Variants in PHLDB2 observed in about 807,000 individuals in gnomAD.
PHLDB2 encodes the protein pleckstrin homology like domain family B member 2.
PHLDB2 carries 71 observed loss-of-function variants against 123.6 expected under a neutral mutation model. That is an observed-to-expected ratio of 0.57 (90% CI 0.47 to 0.70). PHLDB2 has a LOEUF of 0.70. PHLDB2 is among the 30% of genes least tolerant of loss of function. The pLI is 0.00. For missense variants in PHLDB2, 1,446 were observed against 1,519.5 expected, an observed-to-expected ratio of 0.95 and a Z score of 0.80; for synonymous variants, 547 against 541.6, an observed-to-expected ratio of 1.01 and a Z score of -0.14.
At chr3:111,795,716 G>A (rs914335967) in intron 1 of PHLDB2, among the ~76,000 whole-genome samples, 3 of 151,966 alleles carry the variant, frequency 2.0e-5, no homozygotes, top group Non-Finnish European at 2.9e-5. Flanking sequence ...TAAAGACCTG[G>A]GTAGGTTTTT....
intron 1 of PHLDB2, among the ~76,000 whole-genome samples, chr3:111,769,761 C>T (rs778874656): frequency 8.3e-4 from 126 of 152,202 alleles, no homozygotes; most frequent in Non-Finnish European, 1.5e-3. Flanking sequence ...TTCCTTTGAA[C>T]TCGTGTTTCG....
rs559681579 is a variant in PHLDB2 at position 111,907,900 on chromosome 3, G to A, written c.1336-5419G>A. Among the ~76,000 whole-genome samples, 17 of 152,140 alleles carry A rather than the reference G, an allele frequency of 1.1e-4. No individual in the cohort carries two copies. In the South Asian group the frequency reaches 2.7e-3, roughly 24 times the overall value. ...CAACCTCCGCCTCCTGGACTCAAGT[G>A]ATCCTCCAGCCTTAGCCTTCCAAGT... On this transcript the variant is annotated intron_variant, in intron 2 of 17. Coordinates refer to ENST00000431670, the MANE Select transcript of PHLDB2 (RefSeq NM_001134438.2).
In PHLDB2 at chr3:111,831,009, G is replaced by GAAAGAAAGAAAGAAAGAAAGA. The variant is rs1559855216; in HGVS notation, c.-48-14809_-48-14789dup. On this transcript the variant is annotated intron_variant, in intron 1 of 17. Coordinates refer to the PHLDB2 transcript ENST00000393923. ...AGAAAGAAAGAAAGAAAGAAAGAAA[G>GAAAGAAAGAAAGAAAGAAAGA]AAAGAAAGAAAGAAAGAAAGAAAGG... 2.3e-4 allele frequency among the ~76,000 whole-genome samples: 23 copies of GAAAGAAAGAAAGAAAGAAAGA among 100,138 alleles called. 2 individuals carry two copies. Among genetic ancestry groups the GAAAGAAAGAAAGAAAGAAAGA allele is most frequent in the Non-Finnish European group, 3.5e-4 (19 of 53,814 alleles). 65.7% of individuals were successfully genotyped at this position (100,138 alleles called of 152,430 possible). A position where few individuals can be genotyped will look rare whatever the true frequency, so the allele number is the denominator to read the frequency against.
chr3:111,836,834 C>T (rs1019022163), intron 1 of PHLDB2, among the ~76,000 whole-genome samples: 7 of 152,164 alleles, frequency 4.6e-5, no homozygotes, highest in African/African-American at 1.4e-4. Context: ...CAAGAGTGGA[C>T]CACCCCGATG....
At chr3:111,921,297 A>G (rs1449653162) in intron 5 of PHLDB2, among the ~76,000 whole-genome samples, 2 of 152,228 alleles carry the variant, frequency 1.3e-5, no homozygotes, top group African/African-American at 2.4e-5. Context: ...GCTTTAACAC[A>G]TTCTTCCTTA....
chr3:111,872,831 A>C (rs1037266244), intron 1 of PHLDB2, among the ~76,000 whole-genome samples: 2 of 152,216 alleles, frequency 1.3e-5, no homozygotes, highest in Non-Finnish European at 2.9e-5. Context: ...ATTGATTTGT[A>C]AGGTTAAGAG....
At chr3:111,782,648 G>A (rs1476288481) in intron 1 of PHLDB2, among the ~76,000 whole-genome samples, 3 of 152,072 alleles carry the variant, frequency 2.0e-5, no homozygotes, top group Non-Finnish European at 4.4e-5. Flanking sequence ...TGAGACTCCT[G>A]CTAGAGCTTC....
intron 1 of PHLDB2, among the ~76,000 whole-genome samples, chr3:111,842,952 C>T (rs1167745830): frequency 6.6e-6 from 1 of 152,170 alleles, no homozygotes; most frequent in Non-Finnish European, 1.5e-5. Context: ...CTTTGTATTG[C>T]TGAATAATAT....
At chr3:111,749,653 C>T (rs1294482334) in intron 1 of PHLDB2, among the ~76,000 whole-genome samples, 1 of 152,164 alleles carries the variant, frequency 6.6e-6, no homozygotes, top group Non-Finnish European at 1.5e-5. Context: ...AGTGATTAGG[C>T]TGGAGAAGTC....
intron 1 of PHLDB2, among the ~76,000 whole-genome samples, chr3:111,778,703 C>G (rs1361452491): frequency 6.6e-6 from 1 of 152,014 alleles, no homozygotes; most frequent in East Asian, 1.9e-4. Flanking sequence ...CTTAGAGTAT[C>G]TTGCTCAGAA....
intron 1 of PHLDB2, among the ~76,000 whole-genome samples, chr3:111,756,258 A>G (rs1034414493): frequency 1.3e-5 from 2 of 151,746 alleles, no homozygotes; most frequent in African/African-American, 2.4e-5. Flanking sequence ...GTGGGGTGTT[A>G]AAGTCTCCCA....
intron 1 of PHLDB2, among the ~76,000 whole-genome samples, chr3:111,875,647 A>T (rs567414652): frequency 2.6e-4 from 39 of 149,074 alleles, no homozygotes; most frequent in African/African-American, 9.6e-4. Context: ...ACATGGTGAA[A>T]CCCCGTTTCT....
At chr3:111,757,317 G>A (rs1347797334) in intron 1 of PHLDB2, among the ~76,000 whole-genome samples, 1 of 152,080 alleles carries the variant, frequency 6.6e-6, no homozygotes, top group Non-Finnish European at 1.5e-5. Flanking sequence ...TTTTCACATA[G>A]TCTCATATTT....
chr3:111,938,376 G>C (rs1009784860), intron 6 of PHLDB2, among the ~76,000 whole-genome samples: 1 of 151,738 alleles, frequency 6.6e-6, no homozygotes, highest in Non-Finnish European at 1.5e-5. Flanking sequence ...TCATCACCTA[G>C]AGCCCATGTC....
chr3:111,824,956 C>T (rs889304962), intron 1 of PHLDB2, among the ~76,000 whole-genome samples: 6 of 152,142 alleles, frequency 3.9e-5, no homozygotes, highest in Admixed American at 2.6e-4. Flanking sequence ...CTTGTAGACC[C>T]TTTACCTTTC....
chr3:111,963,185 G>C (rs2071525765), intron 13 of PHLDB2, among the ~76,000 whole-genome samples: 1 of 152,062 alleles, frequency 6.6e-6, no homozygotes, highest in South Asian at 2.1e-4. Context: ...ACTACCTACT[G>C]TCAGATCCCG....
chr3:111,940,871 A>G (rs1170360704), intron 8 of PHLDB2, among the ~76,000 whole-genome samples: 1 of 152,228 alleles, frequency 6.6e-6, no homozygotes, highest in Non-Finnish European at 1.5e-5. Context: ...CTTTTTTCAC[A>G]TTGTAAAAAT....
intron 1 of PHLDB2, among the ~76,000 whole-genome samples, chr3:111,875,136 T>G (rs1243501909): frequency 6.6e-6 from 1 of 152,174 alleles, no homozygotes; most frequent in East Asian, 1.9e-4. Context: ...TATTTATATA[T>G]TAAATTAGTC....
upstream of PHLDB2, among the ~76,000 whole-genome samples, chr3:111,857,518 T>G (rs2064573523): frequency 1.3e-5 from 2 of 151,234 alleles, no homozygotes. Flanking sequence ...GATTGTATGT[T>G]TATGGGGATG....
Sources: allele counts gnomAD v4.1 joint callset (sites outside exome capture counted in the v4.1 genomes callset), GRCh38; gene constraint gnomAD v4.1.1; transcripts MANE v1.5; gene names NCBI Gene and HGNC (gene_info 2026-07-23, HGNC 2026-07-21).